Variants in MCF2 observed in about 807,000 individuals in gnomAD.
MCF2 encodes the protein proto-oncogene DBL.
Under a neutral mutation model 82.5 loss-of-function variants are expected in MCF2, and 44 were observed. The ratio of observed to expected loss-of-function variants is 0.53; its 90% CI spans 0.42 to 0.69. MCF2 has a LOEUF of 0.69. Ranked by LOEUF, MCF2 falls within the 30% of genes least tolerant of loss-of-function variation. The pLI is 0.00. For missense variants in MCF2, 623 were observed against 663.1 expected (o/e 0.94, Z 0.66); for synonymous variants, 217 against 224.9 (o/e 0.96, Z 0.32).
At chrX:139,672,725 T>C (rs1288028932) in intron 1 of MCF2, among the ~76,000 whole-genome samples, 1 of 112,340 alleles carries the variant, frequency 8.9e-6, no homozygotes, top group Admixed American at 9.5e-5. Context: ...GCCAGTATTT[T>C]ATTGAGGATT....
At chrX:139,618,626 A>G (rs1932107391) in intron 7 of MCF2, among the ~76,000 whole-genome samples, 2 of 111,567 alleles carry the variant, frequency 1.8e-5, no homozygotes, top group African/African-American at 6.5e-5. Flanking sequence ...ATCTACAAGC[A>G]TAATTCCAGA....
intron 1 of MCF2, among the ~76,000 whole-genome samples, chrX:139,677,694 C>G (rs1685006555): frequency 8.9e-6 from 1 of 111,820 alleles, no homozygotes; most frequent in South Asian, 3.8e-4. Context: ...CGATCCATAT[C>G]TCACGTCTTG....
intron 1 of MCF2, among the ~76,000 whole-genome samples, chrX:139,685,475 T>C (rs1328446139): frequency 1.8e-5 from 2 of 111,149 alleles, no homozygotes; most frequent in East Asian, 5.7e-4. Flanking sequence ...CCGTTCTAAT[T>C]ACCAGTGCAT....
intron 1 of MCF2, among the ~76,000 whole-genome samples, chrX:139,654,476 T>C (rs1230922152): frequency 8.9e-6 from 1 of 112,409 alleles, no homozygotes; most frequent in Non-Finnish European, 1.9e-5. Flanking sequence ...TTGCCCATTT[T>C]ATAAATTGAA....
Position 139,691,055 on chromosome X carries a change from A to T in MCF2, c.-45+17051T>A, listed in dbSNP as rs144838634. Reference sequence around the variant, plus strand: ...GTGTATCACGACTGGCAAGTGACCAAGTCCATGTTACCCCACTTACTCCCC... The same window carrying T: ...GTGTATCACGACTGGCAAGTGACCATGTCCATGTTACCCCACTTACTCCCC... On this transcript the variant is annotated intron_variant, in intron 1 of 27. Transcript: ENST00000414978. Among the ~76,000 whole-genome samples the T allele has an allele frequency of 5.8e-3, 652 of 111,895 alleles. 1 individual carries two copies. Among genetic ancestry groups the T allele is most frequent in the Non-Finnish European group, 9.6e-3 (511 of 53,179 alleles).
intron 19 of MCF2, among the ~76,000 whole-genome samples, chrX:139,594,130 C>T (rs1471139366): frequency 9.1e-6 from 1 of 109,865 alleles, no homozygotes; most frequent in Admixed American, 9.7e-5. Context: ...GAATCAATAT[C>T]GTGAAAATGG....
chrX:139,632,562 A>G, intron 1 of MCF2, 108 bp from the exon 5 acceptor site: 1 of 547,796 alleles, frequency 1.8e-6, no homozygotes, highest in Non-Finnish European at 2.8e-6. Context: ...TTAAATTCAT[A>G]AAAGCCAGTA....
At chrX:139,630,847 C>T (rs914583117) in intron 3 of MCF2, among the ~76,000 whole-genome samples, 4 of 111,843 alleles carry the variant, frequency 3.6e-5, no homozygotes, top group Non-Finnish European at 5.7e-5. Context: ...ATTTAAATGC[C>T]TCAGAAGCAT....
chrX:139,626,818 G>A (rs1932772816), intron 4 of MCF2, 62 bp from the exon 8 acceptor site: 1 of 984,975 alleles, frequency 1.0e-6, no homozygotes, highest in Non-Finnish European at 1.4e-6. Flanking sequence ...GATGTGATGG[G>A]AAGGGAGCAT....
At chrX:139,656,326 T>G (rs922901139) in intron 1 of MCF2, among the ~76,000 whole-genome samples, 1 of 112,095 alleles carries the variant, frequency 8.9e-6, no homozygotes, top group South Asian at 3.8e-4. Context: ...CCTCCCAAAG[T>G]GCTGGGATTA....
chrX:139,664,312 A>C (rs1934445111), intron 1 of MCF2, among the ~76,000 whole-genome samples: 1 of 104,921 alleles, frequency 9.5e-6, no homozygotes, highest in African/African-American at 4.0e-5. Flanking sequence ...CCTTTTTAAA[A>C]CAAAAAACAA....
At chrX:139,619,677 G>C in exon 7 of MCF2, 1 of 1,179,621 alleles carries the variant, frequency 8.5e-7, no homozygotes. Flanking sequence ...CTGCTTGTTG[G>C]TTTAATAGAA....
chrX:139,610,467 C>G, intron 10 of MCF2, 129 bp from the exon 15 acceptor site: 1 of 410,376 alleles, frequency 2.4e-6, no homozygotes. Context: ...ATTTTAAAAT[C>G]ACACTATAGA....
intron 9 of MCF2, 91 bp from the exon 13 acceptor site, chrX:139,615,143 A>C (rs748288317): frequency 4.1e-5 from 26 of 632,833 alleles, no homozygotes; most frequent in Middle Eastern, 3.9e-4. Context: ...TGGTCAAAAA[A>C]ATAATTTAGA....
intron 1 of MCF2, among the ~76,000 whole-genome samples, chrX:139,700,727 T>C (rs1178347172): frequency 8.9e-6 from 1 of 112,303 alleles, no homozygotes; most frequent in African/African-American, 3.2e-5. Context: ...TTAAAGGCTG[T>C]TTCATGCAAT....
intron 12 of MCF2, 148 bp from the exon 17 acceptor site, chrX:139,605,927 C>T: frequency 2.8e-6 from 1 of 357,897 alleles, no homozygotes; most frequent in Non-Finnish European, 4.7e-6. Flanking sequence ...TATGAAACTA[C>T]TTTTATGGTT....
chrX:139,589,902 T>A, exon 20 of MCF2: 3 of 1,179,484 alleles, frequency 2.5e-6, no homozygotes, highest in Non-Finnish European at 3.4e-6. Context: ...ACCTTTTACA[T>A]ATTCAGTGAT....
intron 6 of MCF2, among the ~76,000 whole-genome samples, chrX:139,621,478 T>C (rs1211774541): frequency 9.0e-6 from 1 of 111,167 alleles, no homozygotes; most frequent in Non-Finnish European, 1.9e-5. Context: ...CCAGAATCTG[T>C]AAGGAACTTA....
rs758019893 is a variant in MCF2 at position 139,706,888 on chromosome X, A to AATT, written c.-45+1215_-45+1217dup. ...GGTTGTCTAAGATATTTTCAGACAT[A>AATT]ATTATTATTATTATTATTATTAATA... On this transcript the variant is annotated intron_variant, in intron 1 of 27. Coordinates refer to the MCF2 transcript ENST00000414978. 3.5e-3 allele frequency among the ~76,000 whole-genome samples: 384 copies of AATT among 109,516 alleles called. 2 individuals carry two copies. Among genetic ancestry groups the AATT allele is most frequent in the African/African-American group, 0.011 (336 of 30,230 alleles).
Sources: allele counts gnomAD v4.1 joint callset (sites outside exome capture counted in the v4.1 genomes callset), GRCh38; gene constraint gnomAD v4.1.1; transcripts MANE v1.5; gene names NCBI Gene and HGNC (gene_info 2026-07-23, HGNC 2026-07-21).